Variants in NFIC observed in about 807,000 individuals in gnomAD.
NFIC encodes nuclear factor I C.
A neutral mutation model predicts 54.4 loss-of-function variants in NFIC; 12 were observed. The ratio of observed to expected loss-of-function variants is 0.22; its 90% CI spans 0.14 to 0.36. The LOEUF is 0.36. Ranked by LOEUF, NFIC falls within the 10% of genes least tolerant of loss-of-function variation. The pLI is 1.00. For synonymous variants in NFIC, 322 were observed against 319.2 expected, an observed-to-expected ratio of 1.01 and a Z score of -0.09; for missense variants, 575 against 718.2, an observed-to-expected ratio of 0.80 and a Z score of 2.28.
chr19:3,370,289 C>G lies in NFIC; in HGVS notation c.30+3623C>G, dbSNP rs996970845. Among the ~76,000 whole-genome samples, 1 of 152,128 alleles carries G rather than the reference C, an allele frequency of 6.6e-6. No homozygotes were observed. Among genetic ancestry groups the G allele is most frequent in the African/African-American group, 2.4e-5 (1 of 41,432 alleles). On this transcript the variant is annotated intron_variant, in intron 1 of 10. Coordinates refer to ENST00000443272, the MANE Select transcript of NFIC (RefSeq NM_001245002.2). The surrounding 1 kb of genome is among the most constrained non-coding windows in gnomAD (Gnocchi z 5.2). Reference sequence around the variant, plus strand: ...GCTCTCTCCCCGTGTGCCCCCCACCCGGGGCCTGGTGGCCTCTGATTCACT... The same window carrying G: ...GCTCTCTCCCCGTGTGCCCCCCACCGGGGGCCTGGTGGCCTCTGATTCACT...
At chr19:3,422,866 A>G (rs2081974164) in intron 2 of NFIC, among the ~76,000 whole-genome samples, 1 of 151,878 alleles carries the variant, frequency 6.6e-6, no homozygotes, top group Non-Finnish European at 1.5e-5. Flanking sequence ...GAGGGAGAAC[A>G]TTGCTCGTGG....
chr19:3,439,268 A>G (rs73523813), intron 6 of NFIC, among the ~76,000 whole-genome samples: 25,659 of 141,792 alleles, frequency 0.18, 4,706 homozygotes, highest in African/African-American at 0.47. Context: ...CGGGAGGTCA[A>G]AGCTGCCCTG....
Position 3,370,274 on chromosome 19 carries a change from C to T in NFIC, c.30+3608C>T, listed in dbSNP as rs376186284. ...CTTGGGCAGGTGGGCGCTCTCTCCCCGTGTGCCCCCCACCCGGGGCCTGGT... is the reference window on the plus strand; with the variant it reads ...CTTGGGCAGGTGGGCGCTCTCTCCCTGTGTGCCCCCCACCCGGGGCCTGGT... On this transcript the variant is annotated intron_variant, in intron 1 of 10. Transcript: ENST00000443272. This position sits in a 1 kb window ranked among gnomAD's most constrained non-coding sequence, Gnocchi z 5.2. 1.5e-4 allele frequency among the ~76,000 whole-genome samples: 23 copies of T among 152,238 alleles called. No individual in the cohort carries two copies. Among genetic ancestry groups the T allele is most frequent in the African/African-American group, 5.5e-4 (23 of 41,546 alleles).
At chr19:3,416,401 G>T (rs1012188672) in intron 2 of NFIC, among the ~76,000 whole-genome samples, 18 of 149,640 alleles carry the variant, frequency 1.2e-4, no homozygotes, top group Admixed American at 1.1e-3. Context: ...TGGCCTGTAG[G>T]TATATAAAAT....
At chr19:3,432,151 T>C (rs2082130171) in intron 3 of NFIC, among the ~76,000 whole-genome samples, 1 of 152,174 alleles carries the variant, frequency 6.6e-6, no homozygotes, top group Non-Finnish European at 1.5e-5. Flanking sequence ...CCAAGCTGTC[T>C]GAGGTTGGCC....
Position 3,460,576 on chromosome 19 carries a change from C to T in NFIC, c.1510-2176C>T, listed in dbSNP as rs551409786. On this transcript the variant is annotated intron_variant, in intron 10 of 10. Transcript: ENST00000443272. ...CTGCCCAGGCTGGAGTGCAATGGCA[C>T]GATCTTGGCTGACTACAACCTCCGC... Among the ~76,000 whole-genome samples the T allele has an allele frequency of 6.4e-4, 98 of 152,130 alleles. 1 individual carries two copies. Among genetic ancestry groups the T allele is most frequent in the Non-Finnish European group, 7.4e-5 (5 of 68,000 alleles).
chr19:3,456,661 G>T (rs1231453336), intron 10 of NFIC, 26 bp downstream of exon 10: 1 of 1,488,950 alleles, frequency 6.7e-7, no homozygotes, highest in South Asian at 1.2e-5. Flanking sequence ...CCGGCTGGTG[G>T]GGTGGGAGGG....
rs934862887 is a variant in NFIC, at chr19:3,465,316, T to C, written c.*2547T>C. 2 of 146,060 alleles carry C rather than the reference T, an allele frequency of 1.4e-5. No homozygotes were observed. Among genetic ancestry groups the C allele is most frequent in the Non-Finnish European group, 3.0e-5 (2 of 66,858 alleles). 9.0% of individuals were successfully genotyped at this position (146,060 alleles called of 1,614,324 possible). ...CACACATAGCTGCATGTTCTGCTCG[T>C]GTAGTTTAAAAAAAAAAAGACAAAA... On this transcript the variant is annotated 3_prime_UTR_variant, in exon 11 of 11. Transcript: ENST00000443272.
rs1174023708 is a variant in NFIC at position 3,465,401 on chromosome 19, A to G, written c.*2632A>G. 1 of 147,898 alleles carries G rather than the reference A, an allele frequency of 6.8e-6. No homozygotes were observed. The highest frequency in any genetic ancestry group is 1.5e-5 in the Non-Finnish European group (1 of 67,520). The allele number at this position is 147,898 out of a possible 1,614,324, so 9.2% of individuals were successfully genotyped here. A position where few individuals can be genotyped will look rare whatever the true frequency, so the allele number is the denominator to read the frequency against. ...GGATGTATTTCTATTTGTAAAAAAA[A>G]TAAAATAAAAAATAAGAAAGTGAGA... On this transcript the variant is annotated 3_prime_UTR_variant, in exon 11 of 11. Transcript: ENST00000443272.
rs755211495 is a variant in NFIC at position 3,381,905 on chromosome 19, G to A, written c.224G>A (p.Arg75Gln). ...GAGGTCAAGCAGAAGTGGGCGTCGC[G>A]GCTGCTGGCCAAGCTGCGCAAGGAC... The part of the protein sequence containing the change: ...KPEVKQKWAS[R>Q]LLAKLRKDIR... The change falls in exon 2 of 11, where the codon CGG (arginine) becomes CAG (glutamine). Residue 75 changes from arginine (R) to glutamine (Q), a missense_variant. Physicochemically the swap from Arg to Gln is conservative, Grantham distance 43. Around this residue, in one of 3 missense-constraint regions of NFIC, gnomAD observed 122 missense variants for 158.0 expected, o/e 0.77. Coordinates refer to ENST00000443272, the MANE Select transcript of NFIC (RefSeq NM_001245002.2). The A allele has an allele frequency of 1.2e-6, 2 of 1,613,778 alleles. No homozygotes were observed. The highest frequency in any genetic ancestry group is 8.5e-7 in the Non-Finnish European group (1 of 1,179,942).
chr19:3,461,951 G>A (rs2082645747), intron 10 of NFIC, among the ~76,000 whole-genome samples: 1 of 152,004 alleles, frequency 6.6e-6, no homozygotes, highest in South Asian at 2.1e-4. Context: ...CTACTCGGGA[G>A]GCTGAGGCAG....
intron 2 of NFIC, among the ~76,000 whole-genome samples, chr19:3,399,810 G>A (rs2081525421): frequency 6.6e-6 from 1 of 152,148 alleles, no homozygotes; most frequent in African/African-American, 2.4e-5. Flanking sequence ...GGCGGAGATT[G>A]TAGTGAGCCG....
chr19:3,461,000 G>A (rs924497815), intron 10 of NFIC, among the ~76,000 whole-genome samples: 6 of 152,018 alleles, frequency 3.9e-5, no homozygotes, highest in Non-Finnish European at 5.9e-5. Context: ...TGGCGCATGC[G>A]TGTAATCCTA....
rs905463225 is a variant in NFIC at position 3,453,373 on chromosome 19, T to C, written c.1270-390T>C. 6.6e-6 allele frequency among the ~76,000 whole-genome samples: 1 copy of C among 152,166 alleles called. No homozygotes were observed. Among genetic ancestry groups the C allele is most frequent in the African/African-American group, 2.4e-5 (1 of 41,426 alleles). On this transcript the variant is annotated intron_variant, in intron 8 of 10. Coordinates refer to ENST00000443272, the MANE Select transcript of NFIC (RefSeq NM_001245002.2). The surrounding 1 kb of genome is among the most constrained non-coding windows in gnomAD (Gnocchi z 6.7). The stretch of plus-strand genomic sequence containing the variant: ...TGGATGTTCAGAGCTTTTCGGACTT[T>C]GGAACCACGGGCCAGGCCGTGGATG...
At chr19:3,401,520 C>T (rs2081554786) in intron 2 of NFIC, among the ~76,000 whole-genome samples, 1 of 152,216 alleles carries the variant, frequency 6.6e-6, no homozygotes, top group South Asian at 2.1e-4. Flanking sequence ...CTCCTGCCTG[C>T]AAGCCGCACC....
chr19:3,383,573 A>G (rs2081246702), intron 2 of NFIC, among the ~76,000 whole-genome samples: 1 of 152,176 alleles, frequency 6.6e-6, no homozygotes, highest in South Asian at 2.1e-4. Flanking sequence ...GAGGTTCCAG[A>G]AGATCATGCG....
chr19:3,404,273 TC>T (rs1007068680), intron 2 of NFIC, among the ~76,000 whole-genome samples: 1 of 150,234 alleles, frequency 6.7e-6, no homozygotes, highest in African/African-American at 2.5e-5. Flanking sequence ...TTCAGTCCAC[TC>T]CCCCCCACCC....
chr19:3,396,685 G>A (rs529692224), intron 2 of NFIC, among the ~76,000 whole-genome samples: 1 of 152,348 alleles, frequency 6.6e-6, no homozygotes, highest in Non-Finnish European at 1.5e-5. Context: ...GCCGAGCACG[G>A]CGGCTCACAC....
intron 2 of NFIC, among the ~76,000 whole-genome samples, chr19:3,411,819 T>C (rs2081765606): frequency 6.6e-6 from 1 of 152,174 alleles, no homozygotes; most frequent in South Asian, 2.1e-4. Context: ...CTTTAGTTTC[T>C]CCCGTGTCCG....
Sources: gnomAD v4.1 joint callset for allele counts (sites outside exome capture counted in the v4.1 genomes callset) on GRCh38, gnomAD v4.1.1 for gene constraint, gnomAD v4.1.1 regional missense constraint, Gnocchi (gnomAD v3.1) non-coding constraint, MANE v1.5 for transcripts, NCBI Gene and HGNC (gene_info 2026-07-23, HGNC 2026-07-21) for gene names.